Variants in RBBP8 observed in about 807,000 individuals in gnomAD.
RBBP8 encodes the protein RB binding protein 8, endonuclease, also known as DNA endonuclease RBBP8.
A neutral mutation model predicts 108.3 loss-of-function variants in RBBP8; 88 were observed. The ratio of observed to expected loss-of-function variants is 0.81; its 90% CI spans 0.68 to 0.97. RBBP8 has a LOEUF of 0.97. Ranked by LOEUF, RBBP8 falls within the 50% of genes least tolerant of loss-of-function variation. The probability of loss-of-function intolerance (pLI) is 0.00; values close to 1 mark genes in which losing one functional copy is unlikely to be tolerated. For synonymous variants in RBBP8, 332 were observed against 348.2 expected, an observed-to-expected ratio of 0.95 and a Z score of 0.52; for missense variants, 1,023 against 1,049.0, an observed-to-expected ratio of 0.98 and a Z score of 0.34.
chr18:22,917,661 T>G (rs182663297), intron 3 of RBBP8, among the ~76,000 whole-genome samples: 1 of 152,232 alleles, frequency 6.6e-6, no homozygotes, highest in East Asian at 1.9e-4. Flanking sequence ...TGCACGTTTT[T>G]GTCAGAAAGA....
At chr18:23,016,370 C>G (rs1306197489) in intron 16 of RBBP8, among the ~76,000 whole-genome samples, 1 of 151,962 alleles carries the variant, frequency 6.6e-6, no homozygotes, top group East Asian at 1.9e-4. Flanking sequence ...CATGGTGAAA[C>G]CCCATCTCTA....
intron 6 of RBBP8, among the ~76,000 whole-genome samples, chr18:22,977,605 C>G (rs376711678): frequency 1.3e-5 from 2 of 152,086 alleles, no homozygotes; most frequent in East Asian, 3.9e-4. Context: ...GCATTCAACC[C>G]TCTTCTAAAT....
Position 22,993,236 on chromosome 18 carries a change from C to T in RBBP8, c.1409C>T (p.Ala470Val), listed in dbSNP as rs1037731909. ...CAAGCTTCTTTTGATAAAGAAAATG[C>T]TTTCCCTTTTCCAATGGATAATCAG... is the stretch of plus-strand genomic sequence containing the variant. ...CPQASFDKENAFPFPMDNQFS... is the reference protein window; with the variant it reads ...CPQASFDKENVFPFPMDNQFS... Residue 470 changes from alanine to valine, a missense_variant, in exon 11 of 19, where the codon GCT becomes GTT. Coordinates refer to ENST00000327155, the MANE Select transcript of RBBP8 (RefSeq NM_002894.3). The T allele has an allele frequency of 6.2e-7, 1 of 1,614,188 alleles. No individual in the cohort carries two copies. The highest frequency in any genetic ancestry group is 8.5e-7 in the Non-Finnish European group (1 of 1,180,028).
At chr18:22,963,798 C>T (rs973220815) in intron 4 of RBBP8, among the ~76,000 whole-genome samples, 1 of 152,018 alleles carries the variant, frequency 6.6e-6, no homozygotes, top group African/African-American at 2.4e-5. Context: ...TAACCAATTC[C>T]GTTGTACCCA....
At chr18:22,946,944 T>C (rs1911615211) in intron 3 of RBBP8, among the ~76,000 whole-genome samples, 1 of 152,118 alleles carries the variant, frequency 6.6e-6, no homozygotes, top group African/African-American at 2.4e-5. Context: ...TTTTAGGTAG[T>C]TTGAAATTAC....
At position 22,980,165 on chromosome 18, in the gene RBBP8, C is replaced by T. The variant is rs540028619; in HGVS notation, c.429-2053C>T. Among the ~76,000 whole-genome samples the T allele has an allele frequency of 3.9e-5, 6 of 152,108 alleles. No individual in the cohort carries two copies. The South Asian group carries it at 1.2e-3, about 32-fold the overall frequency. ...GGAGGCTGAGGCACTAGAATCACTA[C>T]AACCCAGGAGGCAGAGGTTGTAGTG... On this transcript the variant is annotated intron_variant, in intron 6 of 18. Transcript: ENST00000327155.
intron 4 of RBBP8, among the ~76,000 whole-genome samples, chr18:22,955,554 A>ATAACTAT (rs1912447477): frequency 2.6e-5 from 4 of 151,710 alleles, no homozygotes; most frequent in Non-Finnish European, 4.4e-5. Flanking sequence ...AGGATCACAT[A>ATAACTAT]GTTAATACAT....
intron 4 of RBBP8, among the ~76,000 whole-genome samples, chr18:22,951,183 C>T (rs765738796): frequency 6.6e-6 from 1 of 152,142 alleles, no homozygotes; most frequent in South Asian, 2.1e-4. Context: ...ATATTTGAGT[C>T]CTTGCTGTCT....
chr18:22,984,341 G>A (rs988087627), intron 7 of RBBP8, among the ~76,000 whole-genome samples: 2 of 152,138 alleles, frequency 1.3e-5, no homozygotes, highest in African/African-American at 4.8e-5. Flanking sequence ...CAAAGATCAT[G>A]GAGATAAATG....
At chr18:22,978,396 A>C (rs1914641992) in intron 6 of RBBP8, among the ~76,000 whole-genome samples, 1 of 152,244 alleles carries the variant, frequency 6.6e-6, no homozygotes, top group South Asian at 2.1e-4. Context: ...AGTGTTTTAA[A>C]GGATGAACTT....
intron 1 of RBBP8, among the ~76,000 whole-genome samples, chr18:22,935,379 C>T (rs1910469805): frequency 1.4e-5 from 2 of 148,000 alleles, no homozygotes. Context: ...ACAGATAAGG[C>T]CTTTCTAAAA....
chr18:23,008,637 T>C (rs111757207), intron 16 of RBBP8, among the ~76,000 whole-genome samples: 2,838 of 152,284 alleles, frequency 0.019, 85 homozygotes, highest in African/African-American at 0.062. Context: ...GCCATTTTTC[T>C]TGGAGCCCTA....
chr18:23,012,126 C>T (rs529758154), intron 16 of RBBP8, among the ~76,000 whole-genome samples: 1 of 141,760 alleles, frequency 7.1e-6, no homozygotes, highest in East Asian at 2.2e-4. Context: ...GGGAGGATTG[C>T]TTGAGCCCAG....
At chr18:23,000,391 C>G (rs1455090652) in intron 14 of RBBP8, among the ~76,000 whole-genome samples, 1 of 152,130 alleles carries the variant, frequency 6.6e-6, no homozygotes, top group Non-Finnish European at 1.5e-5. Flanking sequence ...TAATACTAAA[C>G]TACCAGATGC....
chr18:22,928,424 T>C (rs1909872991), upstream of RBBP8, among the ~76,000 whole-genome samples: 1 of 151,988 alleles, frequency 6.6e-6, no homozygotes, highest in Non-Finnish European at 1.5e-5. Context: ...CTGAAAGAGG[T>C]AGTGCCTGAG....
chr18:22,928,392 A>G (rs1270092732), upstream of RBBP8, among the ~76,000 whole-genome samples: 1 of 152,186 alleles, frequency 6.6e-6, no homozygotes, highest in Non-Finnish European at 1.5e-5. Context: ...GGAAGGATGA[A>G]GAGAGATGTT....
chr18:22,992,844 T>C lies in RBBP8; in HGVS notation c.1017T>C (p.Gly339=). 1 of 1,613,550 alleles carries C rather than the reference T, an allele frequency of 6.2e-7. No homozygotes were observed. The highest frequency in any genetic ancestry group is 8.5e-7 in the Non-Finnish European group (1 of 1,179,530). The change falls in exon 11 of 19, where the codon GGT becomes GGC. Residue 339 remains glycine (G), a synonymous_variant. Coordinates refer to ENST00000327155, the MANE Select transcript of RBBP8 (RefSeq NM_002894.3). ...VFGATSSIKS[G]LDLNTSLSPS... ...GAGCTACCTCTAGTATCAAAAGTGG[T>C]TTAGATTTGAATACAAGTTTGTCCC...
chr18:22,928,973 AAC>A (rs1483759922), upstream of RBBP8, among the ~76,000 whole-genome samples: 4 of 152,138 alleles, frequency 2.6e-5, no homozygotes. Context: ...CCAGTCTGGC[AAC>A]AGTCTTTTGA....
At chr18:22,916,351 CA>C (rs757992140) in intron 2 of RBBP8, among the ~76,000 whole-genome samples, 6 of 151,722 alleles carry the variant, frequency 4.0e-5, no homozygotes, top group Admixed American at 3.3e-4. Flanking sequence ...AAAGAATAAC[CA>C]ATGAATCCAA....
Sources: gnomAD v4.1 joint callset for allele counts (sites outside exome capture counted in the v4.1 genomes callset) on GRCh38, gnomAD v4.1.1 for gene constraint, MANE v1.5 for transcripts, NCBI Gene and HGNC (gene_info 2026-07-23, HGNC 2026-07-21) for gene names.